Variants in TPST2 observed in about 807,000 individuals in gnomAD.
TPST2 encodes the protein protein-tyrosine sulfotransferase 2.
A neutral mutation model predicts 27.8 loss-of-function variants in TPST2; 16 were observed. That is an observed-to-expected ratio of 0.58 (90% confidence interval 0.39 to 0.88). The LOEUF (loss-of-function observed/expected upper bound fraction) is 0.88, where lower values mean the gene tolerates loss of function less well. Ranked by LOEUF, TPST2 falls within the 40% of genes least tolerant of loss-of-function variation. The pLI is 0.00. For synonymous variants in TPST2, 229 were observed against 231.7 expected (o/e 0.99, Z 0.10); for missense variants, 464 against 543.1 (o/e 0.85, Z 1.45).
At chr22:26,542,375 G>A (rs896226634) in intron 2 of TPST2, among the ~76,000 whole-genome samples, 5 of 151,158 alleles carry the variant, frequency 3.3e-5, no homozygotes, top group Admixed American at 6.6e-5. Context: ...ACACACCACC[G>A]CACCTGGCTA....
At chr22:26,570,714 TCCCCAGCATA>T (rs1272657056) in intron 1 of TPST2, among the ~76,000 whole-genome samples, 1 of 146,146 alleles carries the variant, frequency 6.8e-6, no homozygotes, top group Non-Finnish European at 1.5e-5. Flanking sequence ...CCTGGTCCTT[TCCCCAGCATA>T]CCCCACCTGC....
chr22:26,544,115 G>A (rs1925999343), intron 2 of TPST2, among the ~76,000 whole-genome samples: 1 of 152,206 alleles, frequency 6.6e-6, no homozygotes, highest in Non-Finnish European at 1.5e-5. Flanking sequence ...GCCAGCTGGT[G>A]ATCTGGACAA....
chr22:26,530,019 A>C (rs746610649), intron 5 of TPST2, among the ~76,000 whole-genome samples: 1 of 152,230 alleles, frequency 6.6e-6, no homozygotes, highest in Non-Finnish European at 1.5e-5. Context: ...GTGAGCACTA[A>C]TTTAGTATTT....
intron 6 of TPST2, among the ~76,000 whole-genome samples, chr22:26,527,990 C>T (rs538544805): frequency 5.9e-5 from 9 of 152,284 alleles, no homozygotes; most frequent in African/African-American, 1.9e-4. Context: ...GCGTTAATCC[C>T]TCTCCCTGTC....
At chr22:26,534,547 G>T (rs940470387) in intron 4 of TPST2, among the ~76,000 whole-genome samples, 1 of 152,194 alleles carries the variant, frequency 6.6e-6, no homozygotes, top group Non-Finnish European at 1.5e-5. Context: ...CTCCAGGAAC[G>T]TCCGACCCAT....
At chr22:26,584,609 G>T (rs1391998628) in intron 1 of TPST2, among the ~76,000 whole-genome samples, 3 of 151,986 alleles carry the variant, frequency 2.0e-5, no homozygotes, top group Non-Finnish European at 4.4e-5. Context: ...AGGTTATAGT[G>T]AGCTATGATT....
In TPST2 at chr22:26,557,765, G is replaced by T. The variant is rs1004385726; in HGVS notation, c.-160-13090C>A. ...GAGCCATCTCAAAGAAGAGAGATGG[G>T]GTCAGACGTGGTGGCCCATGTCTGT... On this transcript the variant is annotated intron_variant, in intron 1 of 6. Coordinates refer to ENST00000338754, the MANE Select transcript of TPST2 (RefSeq NM_003595.5). Among the ~76,000 whole-genome samples, 4 of 150,608 alleles carry T rather than the reference G, an allele frequency of 2.7e-5. No individual in the cohort carries two copies. In the East Asian group the frequency reaches 5.8e-4, roughly 22 times the overall value.
At chr22:26,542,734 G>GA (rs949154195) in intron 2 of TPST2, among the ~76,000 whole-genome samples, 1 of 152,190 alleles carries the variant, frequency 6.6e-6, no homozygotes, top group African/African-American at 2.4e-5. Context: ...CCAGCAAAGG[G>GA]AATAGCCAGC....
At position 26,541,424 on chromosome 22, in the gene TPST2, C is replaced by G; in HGVS notation, c.207G>C (p.Pro69=). The G allele has an allele frequency of 1.3e-6, 2 of 1,577,456 alleles. No homozygotes were observed. The highest frequency in any genetic ancestry group is 1.7e-6 in the Non-Finnish European group (2 of 1,161,126). The change falls in exon 3 of 7, where the codon CCG becomes CCC. Residue 69 remains proline, a synonymous_variant. Transcript: ENST00000338754. The surrounding 1 kb of genome is among the most constrained non-coding windows in gnomAD (Gnocchi z 5.9). ...GAGGCACGCCACCCACGAAGATGAG[C>G]GGCATGGCCTTGCCATAGCGGTATT... The part of the protein sequence containing the change: ...HVEYRYGKAM[P]LIFVGGVPRS...
chr22:26,560,591 T>C (rs1927034919), intron 1 of TPST2: 1 of 1,042,074 alleles, frequency 9.6e-7, no homozygotes, highest in Non-Finnish European at 1.5e-6. Flanking sequence ...TTGGGCAAAC[T>C]TGTCGGGAGG....
chr22:26,569,272 A>G (rs1051462102), intron 1 of TPST2, among the ~76,000 whole-genome samples: 1 of 152,114 alleles, frequency 6.6e-6, no homozygotes, highest in East Asian at 1.9e-4. Context: ...AACAGGTGAA[A>G]TTCTAGGGGG....
chr22:26,570,475 T>C (rs1927587413), intron 1 of TPST2, among the ~76,000 whole-genome samples: 1 of 152,230 alleles, frequency 6.6e-6, no homozygotes, highest in South Asian at 2.1e-4. Flanking sequence ...TGAAAACGTT[T>C]ACAGGGTTTT....
chr22:26,533,848 A>G (rs7364248), intron 4 of TPST2, among the ~76,000 whole-genome samples: 71,762 of 151,644 alleles, frequency 0.47, 17,918 homozygotes, highest in Non-Finnish European at 0.56. Flanking sequence ...CTAATATTCA[A>G]TATTTTTAGT....
rs186271426 is a variant in TPST2, at chr22:26,580,995, G to A, written c.-161+9058C>T. ...CCTCCAATTTTATTATAACACCACC[G>A]ATTCCCCCAACCCTCAACATACATA... On this transcript the variant is annotated intron_variant, in intron 1 of 6. Coordinates refer to ENST00000338754, the MANE Select transcript of TPST2 (RefSeq NM_003595.5). Among the ~76,000 whole-genome samples the A allele has an allele frequency of 7.2e-4, 107 of 148,320 alleles. No individual in the cohort carries two copies. In the Middle Eastern group the frequency reaches 0.01, roughly 14 times the overall value.
At chr22:26,576,023 AAAAT>A (rs999646922) in intron 1 of TPST2, among the ~76,000 whole-genome samples, 6 of 150,898 alleles carry the variant, frequency 4.0e-5, no homozygotes, top group African/African-American at 4.9e-5. Flanking sequence ...AAATAAATAA[AAAAT>A]AAATAAATAA....
chr22:26,588,395 G>A (rs574570574), intron 1 of TPST2, among the ~76,000 whole-genome samples: 1 of 152,144 alleles, frequency 6.6e-6, no homozygotes, highest in Non-Finnish European at 1.5e-5. Flanking sequence ...GGGAAGAAAG[G>A]ATTGGGGAGT....
chr22:26,574,068 C>T (rs1400502035), intron 1 of TPST2, among the ~76,000 whole-genome samples: 2 of 152,066 alleles, frequency 1.3e-5, no homozygotes, highest in Non-Finnish European at 2.9e-5. Context: ...GGGGAACAGC[C>T]TTTTCCTAAT....
At chr22:26,530,559 G>A (rs1005526149) in intron 5 of TPST2, among the ~76,000 whole-genome samples, 1 of 151,154 alleles carries the variant, frequency 6.6e-6, no homozygotes, top group Non-Finnish European at 1.5e-5. Flanking sequence ...TTGAACCCGG[G>A]AGGTGGAGGT....
At position 26,528,201 on chromosome 22, in the gene TPST2, T is replaced by C; in HGVS notation, c.*7+13A>G. The C allele has an allele frequency of 6.4e-7, 1 of 1,557,966 alleles. No individual in the cohort carries two copies. The highest frequency in any genetic ancestry group is 8.7e-7 in the Non-Finnish European group (1 of 1,149,682). On this transcript the variant is annotated intron_variant, in intron 6 of 6. Transcript: ENST00000338754. ...GAAGCAGCGGGAACCCCCAGTGAAG[T>C]CCACAGGCTTACCTGGAAATCACGA...
Sources: allele counts gnomAD v4.1 joint callset (sites outside exome capture counted in the v4.1 genomes callset), GRCh38; gene constraint gnomAD v4.1.1; non-coding constraint Gnocchi (gnomAD v3.1); transcripts MANE v1.5; gene names NCBI Gene and HGNC (gene_info 2026-07-23, HGNC 2026-07-21).